The following GSE1 variants were observed in gnomAD, a reference collection of about 807,000 sequenced individuals.
GSE1 encodes the protein genetic suppressor element 1.
A neutral mutation model predicts 112.6 loss-of-function variants in GSE1; 32 were observed. The observed-to-expected ratio is 0.28, with a 90% confidence interval of 0.21 to 0.38. The LOEUF (loss-of-function observed/expected upper bound fraction) is 0.38. Ranked by LOEUF, GSE1 falls within the 10% of genes least tolerant of loss-of-function variation. The pLI is 1.00. For missense variants in GSE1, 2,348 were observed against 1,699.2 expected (o/e 1.38, Z -6.71); for synonymous variants, 1,115 against 735.6 (o/e 1.52, Z -8.35).
chr16:85,627,707 C>T (rs1486016859), intron 1 of GSE1, among the ~76,000 whole-genome samples: 8 of 151,936 alleles, frequency 5.3e-5, no homozygotes, highest in East Asian at 1.9e-4. Context: ...CGTCACAGGC[C>T]TTCACACGGT....
At chr16:85,292,996 C>T (rs1035384629) in intron 1 of GSE1, among the ~76,000 whole-genome samples, 2 of 152,086 alleles carry the variant, frequency 1.3e-5, no homozygotes, top group African/African-American at 2.4e-5. Flanking sequence ...TTTAAGTGTC[C>T]GTTTTGAAGA....
rs140414407 is a variant in GSE1, at chr16:85,418,399, C to T, written c.2464+60756C>T. On this transcript the variant is annotated intron_variant, in intron 2 of 2. Transcript: ENST00000637419. ...AGCCCACTCGCTGCCTTTCCTGGCA[C>T]ACTGCTTGTCTCGTCTACTGCTCTT... Among the ~76,000 whole-genome samples the T allele has an allele frequency of 2.3e-3, 348 of 152,354 alleles. 1 individual carries two copies. Among genetic ancestry groups the T allele is most frequent in the African/African-American group, 8.1e-3 (335 of 41,584 alleles).
Position 85,195,872 on chromosome 16 carries a change from T to C in GSE1, c.2283+24065T>C, listed in dbSNP as rs188210039. 6.4e-3 allele frequency among the ~76,000 whole-genome samples: 982 copies of C among 152,286 alleles called. 5 individuals carry two copies. The highest frequency in any genetic ancestry group is 0.023 in the African/African-American group (946 of 41,556). On this transcript the variant is annotated intron_variant, in intron 1 of 2. Coordinates refer to the GSE1 transcript ENST00000637419. ...AACAAATCAAAGCCAGCAGCTCCTG[T>C]TCCCATCACTTCTGACCTGCAGCCC...
upstream of GSE1, chr16:85,554,915 C>A: frequency 1.0e-6 from 1 of 985,394 alleles, no homozygotes; most frequent in Non-Finnish European, 1.2e-6. Context: ...AAGGGGAGCA[C>A]CCTGCCTTCG....
intron 1 of GSE1, among the ~76,000 whole-genome samples, chr16:85,194,611 G>A (rs1016436600): frequency 1.3e-4 from 20 of 152,122 alleles, no homozygotes; most frequent in Non-Finnish European, 2.2e-4. Context: ...CGAGTGTTGG[G>A]ATTTTTTTTC....
At chr16:85,668,867 A>T (rs954668231) in intron 14 of GSE1, among the ~76,000 whole-genome samples, 1 of 152,200 alleles carries the variant, frequency 6.6e-6, no homozygotes, top group African/African-American at 2.4e-5. Context: ...GGTGGGTGCC[A>T]GTCATGTTTT....
intron 2 of GSE1, among the ~76,000 whole-genome samples, chr16:85,437,726 T>TC (rs1159047818): frequency 6.6e-6 from 1 of 152,060 alleles, no homozygotes; most frequent in East Asian, 1.9e-4. Context: ...CTAGTTACCT[T>TC]CCTCCTGTCT....
intron 1 of GSE1, chr16:85,285,247 C>G (rs1483446914): frequency 6.6e-6 from 1 of 152,218 alleles, no homozygotes; most frequent in African/African-American, 2.4e-5. Context: ...CTGCCCCAAA[C>G]AGTCCATTTG....
intron 1 of GSE1, among the ~76,000 whole-genome samples, chr16:85,340,579 T>C (rs780274238): frequency 1.2e-4 from 18 of 152,062 alleles, no homozygotes; most frequent in South Asian, 4.1e-4. Context: ...AGGAAGAGGT[T>C]GCAGTGAGCC....
chr16:85,416,935 G>C (rs2048716371), intron 2 of GSE1, among the ~76,000 whole-genome samples: 1 of 152,182 alleles, frequency 6.6e-6, no homozygotes, highest in Non-Finnish European at 1.5e-5. Flanking sequence ...GGTCGCTGCA[G>C]CCTCAACCTC....
chr16:85,296,289 C>T (rs1343972059), intron 1 of GSE1, among the ~76,000 whole-genome samples: 3 of 152,024 alleles, frequency 2.0e-5, no homozygotes, highest in South Asian at 2.1e-4. Context: ...AGGCACAAAG[C>T]GGGGTCAGGT....
rs1370170208 is a variant in GSE1, at chr16:85,174,381, T to G, written c.2283+2574T>G. On this transcript the variant is annotated intron_variant, in intron 1 of 2. Coordinates refer to the GSE1 transcript ENST00000637419. ...TGGGTGGTGAGGCCGCTGGGGCAGGTCTGCCTACAGAGAGGACAGCTCTGA... is the reference window on the plus strand; with the variant it reads ...TGGGTGGTGAGGCCGCTGGGGCAGGGCTGCCTACAGAGAGGACAGCTCTGA... 2.6e-5 allele frequency among the ~76,000 whole-genome samples: 4 copies of G among 152,124 alleles called. No individual in the cohort carries two copies. In the South Asian group the frequency reaches 8.3e-4, roughly 32 times the overall value.
intron 9 of GSE1, 107 bp downstream of exon 9, chr16:85,661,872 C>A: frequency 8.5e-7 from 1 of 1,174,040 alleles, no homozygotes; most frequent in Non-Finnish European, 1.2e-6. Flanking sequence ...TGCTTTTTGC[C>A]TGGGGTAGTC....
Position 85,536,774 on chromosome 16 carries a change from G to C in GSE1, c.2465-97140G>C, listed in dbSNP as rs368167900. The stretch of plus-strand genomic sequence containing the variant: ...GGTGAGAGGGAGGGAAGAGGTGCCC[G>C]GGGCCTCCTGGGATGGGCCAGGTGT... On this transcript the variant is annotated intron_variant, in intron 2 of 2. Coordinates refer to the GSE1 transcript ENST00000637419. Among the ~76,000 whole-genome samples the C allele has an allele frequency of 4.3e-4, 66 of 152,306 alleles. No individual in the cohort carries two copies. The East Asian group carries it at 0.012, about 28-fold the overall frequency.
upstream of GSE1, among the ~76,000 whole-genome samples, chr16:85,606,593 G>A (rs962992202): frequency 2.6e-5 from 4 of 152,218 alleles, no homozygotes; most frequent in Non-Finnish European, 4.4e-5. Context: ...TGGGTGACCC[G>A]GGAGAGGGAC....
At chr16:85,563,183 CTCT>C (rs946325211) in intron 1 of GSE1, among the ~76,000 whole-genome samples, 8 of 145,516 alleles carry the variant, frequency 5.5e-5, no homozygotes, top group Non-Finnish European at 1.2e-4. Flanking sequence ...CCTCCTCCTC[CTCT>C]TCCTTTTTTT....
chr16:85,202,192 A>T (rs572789626), intron 1 of GSE1, among the ~76,000 whole-genome samples: 9 of 152,256 alleles, frequency 5.9e-5, no homozygotes, highest in African/African-American at 1.7e-4. Flanking sequence ...CTGGGCAGTG[A>T]GGGCTGGGGC....
intron 1 of GSE1, among the ~76,000 whole-genome samples, chr16:85,280,766 T>G (rs2044834268): frequency 6.6e-6 from 1 of 152,212 alleles, no homozygotes; most frequent in South Asian, 2.1e-4. Context: ...ATGTCACCTT[T>G]GCCTCCTTGC....
At chr16:85,526,468 G>A (rs2052367876) in intron 2 of GSE1, among the ~76,000 whole-genome samples, 1 of 152,258 alleles carries the variant, frequency 6.6e-6, no homozygotes, top group South Asian at 2.1e-4. Flanking sequence ...TCCAGGGCAG[G>A]GTGGTCTGGA....
Sources: allele counts gnomAD v4.1 joint callset (sites outside exome capture counted in the v4.1 genomes callset), GRCh38; gene constraint gnomAD v4.1.1; transcripts MANE v1.5; gene names NCBI Gene and HGNC (gene_info 2026-07-23, HGNC 2026-07-21).